RIPOR2: variants seen among roughly 807,000 people sequenced by gnomAD.
The protein encoded by RIPOR2 is rho family-interacting cell polarization regulator 2.
Under a neutral mutation model 114.5 loss-of-function variants are expected in RIPOR2, and 39 were observed. The ratio of observed to expected loss-of-function variants is 0.34; its 90% CI spans 0.26 to 0.44. The LOEUF is 0.44. RIPOR2 is among the 20% of genes least tolerant of loss of function. RIPOR2 has a pLI of 1.00. For synonymous variants in RIPOR2, 445 were observed against 484.4 expected, an observed-to-expected ratio of 0.92 and a Z score of 1.07; for missense variants, 1,007 against 1,255.1, an observed-to-expected ratio of 0.80 and a Z score of 2.99.
chr6:24,856,911 C>T (rs1763527512), intron 8 of RIPOR2, among the ~76,000 whole-genome samples: 1 of 150,154 alleles, frequency 6.7e-6, no homozygotes, highest in Admixed American at 6.7e-5. Flanking sequence ...TTTCCCCCCC[C>T]TTTAAAATTA....
intron 1 of RIPOR2, among the ~76,000 whole-genome samples, chr6:24,935,351 C>A: frequency 1.4e-5 from 2 of 141,170 alleles, no homozygotes. Flanking sequence ...AGAGAAGGAC[C>A]GAGAGAAAGA....
intron 1 of RIPOR2, among the ~76,000 whole-genome samples, chr6:24,977,417 A>G (rs1455085936): frequency 1.3e-5 from 2 of 152,116 alleles, no homozygotes; most frequent in African/African-American, 2.4e-5. Flanking sequence ...TAATAAAGGT[A>G]CATGTTTAAT....
In RIPOR2 at chr6:25,024,202, C is replaced by T. The variant is rs748408008; in HGVS notation, c.76+17649G>A. 748 of 1,464,592 alleles carry T rather than the reference C, an allele frequency of 5.1e-4. 1 individual carries two copies. Among genetic ancestry groups the T allele is most frequent in the Non-Finnish European group, 6.9e-4 (723 of 1,051,288 alleles). 90.7% of individuals were successfully genotyped at this position (1,464,592 alleles called of 1,614,324 possible). ...TGTTTGCTGGCAATGCAGGGCCTGGCGAGAAAGGTGCCCAGGAGGTAGCGG... is the reference window on the plus strand; with the variant it reads ...TGTTTGCTGGCAATGCAGGGCCTGGTGAGAAAGGTGCCCAGGAGGTAGCGG... On this transcript the variant is annotated intron_variant, in intron 1 of 13. Transcript: ENST00000510784.
In RIPOR2 at chr6:24,887,498, G is replaced by A. The variant is rs563243360; in HGVS notation, c.62-11681C>T. Among the ~76,000 whole-genome samples, 10 of 152,278 alleles carry A rather than the reference G, an allele frequency of 6.6e-5. No individual in the cohort carries two copies. The South Asian group carries it at 8.3e-4, about 13-fold the overall frequency. On this transcript the variant is annotated intron_variant, in intron 1 of 21. Coordinates refer to ENST00000643898, the MANE Select transcript of RIPOR2 (RefSeq NM_001286445.3). ...GAAAAATGGTCTTTCCTACTAATTA[G>A]GACTTGCAATTTGAGAGATATCTGA...
At chr6:24,991,634 G>A (rs1025491131) in intron 1 of RIPOR2, among the ~76,000 whole-genome samples, 1 of 152,102 alleles carries the variant, frequency 6.6e-6, no homozygotes, top group Non-Finnish European at 1.5e-5. Flanking sequence ...CTCACTGTGG[G>A]CCCCCAGTGT....
At chr6:25,036,161 C>A (rs904010590) in intron 1 of RIPOR2, among the ~76,000 whole-genome samples, 1 of 152,104 alleles carries the variant, frequency 6.6e-6, no homozygotes, top group Non-Finnish European at 1.5e-5. Flanking sequence ...GAATGGCCGG[C>A]GAAGCAGAAC....
At position 24,976,511 on chromosome 6, in the gene RIPOR2, G is replaced by A. The variant is rs13190691; in HGVS notation, c.76+65340C>T. 8 of 1,581,916 alleles carry A rather than the reference G, an allele frequency of 5.1e-6. No individual in the cohort carries two copies. The Admixed American group carries it at 6.7e-5, about 13-fold the overall frequency. On this transcript the variant is annotated intron_variant, in intron 1 of 13. Coordinates refer to the RIPOR2 transcript ENST00000510784. ...AGGTAAGGGGCCTGGAAACCAAGAA[G>A]TGACTGCTCATCTAATCCATAAAGC...
intron 20 of RIPOR2, among the ~76,000 whole-genome samples, chr6:24,810,564 AACCAGACATGGT>A (rs1046294712): frequency 6.6e-6 from 1 of 152,204 alleles, no homozygotes; most frequent in African/African-American, 2.4e-5. Context: ...TTCCACAGTA[AACCAGACATGGT>A]TCTGGTCCTC....
intron 6 of RIPOR2, among the ~76,000 whole-genome samples, chr6:24,865,776 TAAGA>T (rs1435024958): frequency 1.3e-5 from 2 of 152,140 alleles, no homozygotes; most frequent in Non-Finnish European, 2.9e-5. Context: ...AAGTATTAAA[TAAGA>T]AAGATGAGAG....
At chr6:25,029,379 T>A (rs931989213) in intron 1 of RIPOR2, among the ~76,000 whole-genome samples, 4 of 121,300 alleles carry the variant, frequency 3.3e-5, no homozygotes, top group African/African-American at 1.3e-4. Flanking sequence ...CACTCCAACC[T>A]GGACGACAGA....
chr6:24,953,962 G>A (rs1772910138), intron 1 of RIPOR2, among the ~76,000 whole-genome samples: 1 of 152,134 alleles, frequency 6.6e-6, no homozygotes, highest in Non-Finnish European at 1.5e-5. Context: ...TGTTATTGGA[G>A]CCTCAGTCAT....
intron 1 of RIPOR2, among the ~76,000 whole-genome samples, chr6:25,018,263 A>G (rs1776114807): frequency 6.6e-6 from 1 of 152,260 alleles, no homozygotes; most frequent in Admixed American, 6.5e-5. Context: ...AATGCTTTAC[A>G]TGAAAAGAGC....
intron 13 of RIPOR2, 195 bp from the exon 14 acceptor site, chr6:24,839,467 TG>T: frequency 7.0e-7 from 1 of 1,431,140 alleles, no homozygotes; most frequent in Non-Finnish European, 9.4e-7. Context: ...GCACAATATC[TG>T]GGACTGGTTG....
intron 1 of RIPOR2, among the ~76,000 whole-genome samples, chr6:24,911,784 C>T (rs1432703156): frequency 2.0e-5 from 3 of 152,142 alleles, no homozygotes; most frequent in Non-Finnish European, 2.9e-5. Flanking sequence ...CTGACTCAGT[C>T]TCCATCCTTA....
intron 1 of RIPOR2, among the ~76,000 whole-genome samples, chr6:24,958,887 G>A (rs1773167383): frequency 6.6e-6 from 1 of 151,614 alleles, no homozygotes; most frequent in African/African-American, 2.4e-5. Flanking sequence ...CTCTGTCTTA[G>A]CTTCTGGAAA....
Position 24,865,433 on chromosome 6 carries a change from T to C in RIPOR2, c.519A>G (p.Glu173=). 2 of 1,610,230 alleles carry C rather than the reference T, an allele frequency of 1.2e-6. No individual in the cohort carries two copies. Among genetic ancestry groups the C allele is most frequent in the East Asian group, 4.5e-5 (2 of 44,786 alleles). ...GGAGGCGTCGCTGGATACAATAAGC[T>C]TCATAGAGTTCATCTACCTGCCAGA... ...FHISKVDELY[E]AYCIQRRLQD... is the part of the protein sequence containing the mutation. Residue 173 remains glutamate (E), a synonymous_variant, in exon 7 of 22, where the codon GAA becomes GAG. Coordinates refer to ENST00000643898, the MANE Select transcript of RIPOR2 (RefSeq NM_001286445.3).
At chr6:24,927,255 C>CATCACT in intron 1 of RIPOR2, among the ~76,000 whole-genome samples, 1 of 149,988 alleles carries the variant, frequency 6.7e-6, no homozygotes, top group Non-Finnish European at 1.5e-5. Flanking sequence ...TCACCACCAC[C>CATCACT]ACCACCACCA....
intron 1 of RIPOR2, among the ~76,000 whole-genome samples, chr6:24,975,906 G>T (rs1774017801): frequency 6.6e-6 from 1 of 151,946 alleles, no homozygotes; most frequent in African/African-American, 2.4e-5. Context: ...TCTAGAGATT[G>T]GTTGGTTGTA....
At chr6:24,832,923 T>C (rs1338445991) in intron 15 of RIPOR2, among the ~76,000 whole-genome samples, 1 of 152,242 alleles carries the variant, frequency 6.6e-6, no homozygotes, top group Non-Finnish European at 1.5e-5. Context: ...AAGTGTTAGC[T>C]TATGTTATTT....
Sources: gnomAD v4.1 joint callset for allele counts (sites outside exome capture counted in the v4.1 genomes callset) on GRCh38, gnomAD v4.1.1 for gene constraint, MANE v1.5 for transcripts, NCBI Gene and HGNC (gene_info 2026-07-23, HGNC 2026-07-21) for gene names.